Variants in KIF26B observed in about 807,000 individuals in gnomAD.
KIF26B encodes the protein kinesin-like protein KIF26B.
KIF26B carries 63 observed loss-of-function variants against 151.2 expected under a neutral mutation model. The ratio of observed to expected loss-of-function variants is 0.42; its 90% CI spans 0.34 to 0.51. The LOEUF (loss-of-function observed/expected upper bound fraction) is 0.51, where lower values mean the gene tolerates loss of function less well. KIF26B is among the 20% of genes least tolerant of loss of function. The pLI is 0.07. For missense variants in KIF26B, 2,813 were observed against 2,913.6 expected (o/e 0.97, Z 0.79); for synonymous variants, 1,357 against 1,262.1 (o/e 1.08, Z -1.59).
intron 5 of KIF26B, among the ~76,000 whole-genome samples, chr1:245,565,293 G>GTTTT (rs148766403): frequency 6.8e-6 from 1 of 147,790 alleles, no homozygotes; most frequent in Admixed American, 6.8e-5. Context: ...GGGTTTTTTT[G>GTTTT]TTTTTTTTAT....
rs571292328 is a variant in KIF26B at position 245,359,528 on chromosome 1, C to G, written c.466-7306C>G. ...CTTAGTTCCATGGAAATGAACGCCT[C>G]TTGGAGTGTTTCATCTTTTAAAATA... On this transcript the variant is annotated intron_variant, in intron 2 of 14. Transcript: ENST00000407071. Among the ~76,000 whole-genome samples the G allele has an allele frequency of 5.3e-5, 8 of 152,290 alleles. No individual in the cohort carries two copies. In the South Asian group the frequency reaches 1.7e-3, roughly 32 times the overall value.
At chr1:245,434,781 C>T (rs1420945154) in intron 4 of KIF26B, among the ~76,000 whole-genome samples, 1 of 152,108 alleles carries the variant, frequency 6.6e-6, no homozygotes, top group East Asian at 1.9e-4. Flanking sequence ...GGATTGAGCC[C>T]CAGTTGTCTG....
chr1:245,432,319 G>T (rs1027194256), intron 4 of KIF26B, among the ~76,000 whole-genome samples: 3 of 152,058 alleles, frequency 2.0e-5, no homozygotes, highest in African/African-American at 7.2e-5. Context: ...GTTTTCGGGG[G>T]ATAGCATTGT....
chr1:245,329,340 A>C (rs146014442), intron 2 of KIF26B, among the ~76,000 whole-genome samples: 336 of 152,372 alleles, frequency 2.2e-3, no homozygotes, highest in African/African-American at 7.3e-3. Flanking sequence ...AACACAAGTC[A>C]GAGGGCCACG....
At chr1:245,343,454 A>C (rs1672377804) in intron 2 of KIF26B, among the ~76,000 whole-genome samples, 1 of 151,948 alleles carries the variant, frequency 6.6e-6, no homozygotes, top group African/African-American at 2.4e-5. Flanking sequence ...TCCTGTATAC[A>C]CTCAGGTCTG....
At chr1:245,366,013 T>A (rs745869651) in intron 2 of KIF26B, among the ~76,000 whole-genome samples, 4 of 152,198 alleles carry the variant, frequency 2.6e-5, no homozygotes, top group Non-Finnish European at 5.9e-5. Context: ...TAGCACACAA[T>A]GCTGAGAAGG....
chr1:245,520,908 A>T (rs1163556498), intron 4 of KIF26B, among the ~76,000 whole-genome samples: 1 of 152,196 alleles, frequency 6.6e-6, no homozygotes, highest in Non-Finnish European at 1.5e-5. Flanking sequence ...ATAAGCTGAA[A>T]TCCTAACCCA....
intron 2 of KIF26B, among the ~76,000 whole-genome samples, chr1:245,189,958 C>T (rs564737728): frequency 2.0e-5 from 3 of 152,276 alleles, no homozygotes; most frequent in South Asian, 2.1e-4. Flanking sequence ...CATCAGATCT[C>T]GTGAGACTTA....
chr1:245,503,115 C>T (rs185517355), intron 4 of KIF26B, among the ~76,000 whole-genome samples: 14 of 152,242 alleles, frequency 9.2e-5, no homozygotes, highest in Admixed American at 5.2e-4. Context: ...CCGCCTCGGC[C>T]TCCCAAAGTG....
At chr1:245,647,044 T>G (rs373662427) in intron 10 of KIF26B, among the ~76,000 whole-genome samples, 1 of 152,234 alleles carries the variant, frequency 6.6e-6, no homozygotes, top group African/African-American at 2.4e-5. Flanking sequence ...ACTAGCTGCA[T>G]GAACCTTCAT....
rs181924014 is a variant in KIF26B at position 245,159,921 on chromosome 1, T to C, written c.465+3238T>C. ...GAACGTAACGGAGTGGGTGATAGTGTTGGCTGAGGTAGGAAATAGGAGGAG... is the reference window on the plus strand; with the variant it reads ...GAACGTAACGGAGTGGGTGATAGTGCTGGCTGAGGTAGGAAATAGGAGGAG... On this transcript the variant is annotated intron_variant, in intron 2 of 14. Transcript: ENST00000407071. 5.5e-4 allele frequency among the ~76,000 whole-genome samples: 84 copies of C among 152,230 alleles called. 1 individual carries two copies. The highest frequency in any genetic ancestry group is 1.8e-3 in the African/African-American group (75 of 41,532).
At chr1:245,576,926 G>A (rs1395552480) in intron 5 of KIF26B, among the ~76,000 whole-genome samples, 9 of 152,066 alleles carry the variant, frequency 5.9e-5, no homozygotes. Context: ...AGCTTAAGGG[G>A]CTACCTTAGC....
At chr1:245,354,989 C>T (rs983224981) in intron 2 of KIF26B, among the ~76,000 whole-genome samples, 3 of 152,308 alleles carry the variant, frequency 2.0e-5, no homozygotes, top group South Asian at 2.1e-4. Flanking sequence ...GGCGCGATCT[C>T]GGCTCGCTGC....
chr1:245,469,128 T>C (rs1659854462), intron 4 of KIF26B, among the ~76,000 whole-genome samples: 1 of 152,368 alleles, frequency 6.6e-6, no homozygotes, highest in South Asian at 2.1e-4. Flanking sequence ...CCTCCCTTGT[T>C]CCCTACCAGC....
chr1:245,645,669 G>C (rs1319897029), intron 9 of KIF26B, among the ~76,000 whole-genome samples: 1 of 152,172 alleles, frequency 6.6e-6, no homozygotes, highest in African/African-American at 2.4e-5. Flanking sequence ...TTTGCAACCT[G>C]ATTCCTGGCT....
chr1:245,686,002 C>A lies in KIF26B; in HGVS notation c.3019C>A (p.Pro1007Thr), dbSNP rs2044510316. The A allele has an allele frequency of 6.3e-7, 1 of 1,586,546 alleles. No homozygotes were observed. The highest frequency in any genetic ancestry group is 1.1e-5 in the South Asian group (1 of 88,068). The change falls in exon 12 of 15, where the codon CCT becomes ACT. Residue 1007 changes from proline (P) to threonine (T), a missense_variant. Pro to Thr is a conservative substitution (Grantham distance 38). Transcript: ENST00000407071. The surrounding 1 kb of genome is among the most constrained non-coding windows in gnomAD (Gnocchi z 5.6). ...PASKMQRSHS[P>T]VPAAAPAHSP... Reference sequence around the variant, plus strand: ...CTCCAAGATGCAGAGGAGTCACTCACCTGTGCCCGCCGCGGCACCCGCCCA... The same window carrying A: ...CTCCAAGATGCAGAGGAGTCACTCAACTGTGCCCGCCGCGGCACCCGCCCA...
At chr1:245,343,544 T>C (rs994727717) in intron 2 of KIF26B, among the ~76,000 whole-genome samples, 1 of 152,208 alleles carries the variant, frequency 6.6e-6, no homozygotes, top group Non-Finnish European at 1.5e-5. Context: ...TCTTAAACTT[T>C]AGCTTTTACA....
intron 11 of KIF26B, among the ~76,000 whole-genome samples, 152 bp from the exon 12 acceptor site, chr1:245,685,253 G>A (rs2044494309): frequency 6.6e-6 from 1 of 152,246 alleles, no homozygotes; most frequent in African/African-American, 2.4e-5. Flanking sequence ...GCGCGGGCAT[G>A]GCACCCCGAG....
At position 245,685,396 on chromosome 1, in the gene KIF26B, C is replaced by T. The variant is rs1032997943; in HGVS notation, c.2422-9C>T. On this transcript the variant is annotated splice_polypyrimidine_tract_variant and intron_variant, in intron 11 of 14. Transcript: ENST00000407071. ...AAGGCCACCACATTAACTGCCGTCT[C>T]ACTCACAGTACACATCCAGCTCGTC... 3 of 1,594,330 alleles carry T rather than the reference C, an allele frequency of 1.9e-6. No homozygotes were observed. The highest frequency in any genetic ancestry group is 2.7e-5 in the African/African-American group (2 of 74,616).
Sources: gnomAD v4.1 joint callset for allele counts (sites outside exome capture counted in the v4.1 genomes callset) on GRCh38, gnomAD v4.1.1 for gene constraint, Gnocchi (gnomAD v3.1) non-coding constraint, MANE v1.5 for transcripts, NCBI Gene and HGNC (gene_info 2026-07-23, HGNC 2026-07-21) for gene names.